The following APC variants were observed in gnomAD, a reference collection of about 807,000 sequenced individuals.
The protein encoded by APC is APC regulator of Wnt signaling pathway.
Under a neutral mutation model 247.0 loss-of-function variants are expected in APC, and 72 were observed. The ratio of observed to expected loss-of-function variants is 0.29; its 90% CI spans 0.24 to 0.35. The LOEUF (loss-of-function observed/expected upper bound fraction) is 0.35, where lower values mean the gene tolerates loss of function less well. Ranked by LOEUF, APC falls within the 10% of genes least tolerant of loss-of-function variation. APC has a pLI of 1.00. For missense variants in APC, 3,400 were observed against 3,360.7 expected (o/e 1.01, Z -0.29); for synonymous variants, 1,254 against 1,162.5 (o/e 1.08, Z -1.60).
At chr5:112,764,195 G>A (rs965164503) in intron 2 of APC, among the ~76,000 whole-genome samples, 3 of 150,128 alleles carry the variant, frequency 2.0e-5, no homozygotes, top group African/African-American at 4.9e-5. Context: ...TCAGTGAGCC[G>A]AGATTGCGCC....
chr5:112,803,144 A>C (rs1019660412), intron 8 of APC, among the ~76,000 whole-genome samples: 4 of 152,168 alleles, frequency 2.6e-5, no homozygotes, highest in African/African-American at 7.2e-5. Context: ...AATGGTGAGC[A>C]AACAGGCATT....
At chr5:112,817,633 G>C (rs1207733343) in intron 9 of APC, among the ~76,000 whole-genome samples, 3 of 152,152 alleles carry the variant, frequency 2.0e-5, no homozygotes, top group African/African-American at 7.2e-5. Context: ...TGTGAAAACT[G>C]GCAATTAGAA....
intron 15 of APC, among the ~76,000 whole-genome samples, chr5:112,836,009 C>CTTTTTT (rs371484714): frequency 3.8e-5 from 4 of 106,336 alleles, no homozygotes; most frequent in Non-Finnish European, 5.4e-5. Context: ...ATACAACTGT[C>CTTTTTT]TTTTTTTTTT....
In APC at chr5:112,707,605, A is replaced by G. The variant is rs1052992527; in HGVS notation, c.-113A>G. The G allele has an allele frequency of 9.4e-6, 11 of 1,167,534 alleles. No individual in the cohort carries two copies. Among genetic ancestry groups the G allele is most frequent in the Middle Eastern group, 2.2e-4 (1 of 4,512 alleles). The allele number at this position is 1,167,534 out of a possible 1,614,324, so 72.3% of individuals were successfully genotyped here. The stretch of plus-strand genomic sequence containing the variant: ...CTGCTCGGGGGGGACCTGCGGGCTC[A>G]GGCCCGGGAGCTGCGGACCGAGGTT... On this transcript the variant is annotated 5_prime_UTR_variant, in exon 1 of 14. Coordinates refer to the APC transcript ENST00000507379.
At chr5:112,717,908 C>CTTTTTTTCTT (rs1751265440) in intron 1 of APC, among the ~76,000 whole-genome samples, 1 of 40,634 alleles carries the variant, frequency 2.5e-5, no homozygotes, top group East Asian at 8.8e-4. Context: ...TTTTCTTTTT[C>CTTTTTTTCTT]TTTTTTTTTT....
chr5:112,812,630 C>T (rs779520154), intron 8 of APC, among the ~76,000 whole-genome samples: 36 of 152,120 alleles, frequency 2.4e-4, no homozygotes, highest in Non-Finnish European at 4.4e-4. Flanking sequence ...ATTCAGATGC[C>T]ACTTTTTCAG....
chr5:112,734,953 T>C (rs868050404), upstream of APC, among the ~76,000 whole-genome samples: 14 of 151,924 alleles, frequency 9.2e-5, no homozygotes, highest in African/African-American at 3.1e-4. Context: ...ACATTAAGAA[T>C]CCTATTAATC....
At chr5:112,771,209 T>C (rs950081673) in intron 4 of APC, among the ~76,000 whole-genome samples, 1 of 152,168 alleles carries the variant, frequency 6.6e-6, no homozygotes, top group African/African-American at 2.4e-5. Flanking sequence ...CTTTCTTATA[T>C]AGCTCTTTGT....
chr5:112,818,942 T>C (rs2149778364), intron 9 of APC, 24 bp from the exon 10 acceptor site: 1 of 1,613,192 alleles, frequency 6.2e-7, no homozygotes, highest in Non-Finnish European at 8.5e-7. Context: ...CGTAATTTTG[T>C]TTCTAAACTC....
intron 2 of APC, among the ~76,000 whole-genome samples, chr5:112,761,011 G>T (rs1186382057): frequency 6.6e-6 from 1 of 152,026 alleles, no homozygotes; most frequent in Non-Finnish European, 1.5e-5. Context: ...GGGTTTCACT[G>T]TGTTAGCCAG....
At position 112,840,413 on chromosome 5, in the gene APC, A is replaced by T. The variant is rs1580653022; in HGVS notation, c.4819A>T (p.Arg1607Trp). ...TTCAAAATTACCTCCACCTGTGGCA[A>T]GGAAACCAAGTCAGCTGCCTGTGTA... The part of the protein sequence containing the change: ...TASKLPPPVA[R>W]KPSQLPVYKL... Residue 1607 changes from arginine to tryptophan, a missense_variant, in exon 16 of 16, where the codon AGG becomes TGG. Physicochemically the swap from Arg to Trp is moderately radical, Grantham distance 101. Around this residue, in one of 9 missense-constraint regions of APC, gnomAD observed 1,788 missense variants for 1,649.5 expected, o/e 1.08. Transcript: ENST00000257430. The surrounding 1 kb of genome is among the most constrained non-coding windows in gnomAD (Gnocchi z 4.1). The T allele has an allele frequency of 6.2e-7, 1 of 1,614,238 alleles. No individual in the cohort carries two copies. The highest frequency in any genetic ancestry group is 8.5e-7 in the Non-Finnish European group (1 of 1,180,030).
intron 8 of APC, among the ~76,000 whole-genome samples, chr5:112,814,950 C>A (rs1464453020): frequency 1.3e-5 from 2 of 152,136 alleles, no homozygotes; most frequent in Non-Finnish European, 2.9e-5. Flanking sequence ...GCAGTAATTT[C>A]TTTCTTCCTG....
intron 1 of APC, among the ~76,000 whole-genome samples, chr5:112,741,250 A>C (rs1752979517): frequency 6.6e-6 from 1 of 152,216 alleles, no homozygotes; most frequent in Non-Finnish European, 1.5e-5. Flanking sequence ...AGGATATTTA[A>C]AGATTTATAT....
At chr5:112,806,732 G>C (rs1266679492) in intron 8 of APC, among the ~76,000 whole-genome samples, 1 of 152,074 alleles carries the variant, frequency 6.6e-6, no homozygotes, top group Admixed American at 6.6e-5. Context: ...GCACACCACT[G>C]TGCCTGGCTA....
chr5:112,712,670 A>G (rs1391616028), intron 1 of APC, among the ~76,000 whole-genome samples: 4 of 151,724 alleles, frequency 2.6e-5, no homozygotes, highest in African/African-American at 9.7e-5. Context: ...GACTGCAGGC[A>G]TGAGCCACTG....
intron 9 of APC, among the ~76,000 whole-genome samples, chr5:112,817,688 C>T (rs1412449712): frequency 2.6e-5 from 4 of 151,938 alleles, no homozygotes; most frequent in South Asian, 4.2e-4. Flanking sequence ...ATATTAAGAC[C>T]CTAGTATGTA....
At chr5:112,775,542 T>C (rs1406120880) in intron 4 of APC, 87 bp from the exon 5 acceptor site, 3 of 768,714 alleles carry the variant, frequency 3.9e-6, no homozygotes, top group Non-Finnish European at 6.6e-6. Context: ...TAGAGAAGTT[T>C]GCAATAACAA....
At chr5:112,765,603 C>T (rs1756203141) in intron 2 of APC, among the ~76,000 whole-genome samples, 1 of 152,200 alleles carries the variant, frequency 6.6e-6, no homozygotes, top group South Asian at 2.1e-4. Context: ...AAGAACTATG[C>T]TAGGAGCTAG....
chr5:112,707,822 G>C (rs2149631089), exon 1 of APC: 1 of 1,370,586 alleles, frequency 7.3e-7, no homozygotes, highest in East Asian at 3.4e-5. Context: ...GCTGCGTCCG[G>C]CAGGAGACGA....
Sources: gnomAD v4.1 joint callset for allele counts (sites outside exome capture counted in the v4.1 genomes callset) on GRCh38, gnomAD v4.1.1 for gene constraint, gnomAD v4.1.1 regional missense constraint, Gnocchi (gnomAD v3.1) non-coding constraint, MANE v1.5 for transcripts, NCBI Gene and HGNC (gene_info 2026-07-23, HGNC 2026-07-21) for gene names.